TFB1M: variants seen among roughly 807,000 people sequenced by gnomAD.
The protein encoded by TFB1M is transcription factor B1, mitochondrial.
A neutral mutation model predicts 31.1 loss-of-function variants in TFB1M; 27 were observed. The ratio of observed to expected loss-of-function variants is 0.87; its 90% CI spans 0.64 to 1.20. TFB1M has a LOEUF of 1.20. TFB1M is among the 50% of genes most tolerant of loss of function. TFB1M has a pLI of 0.00. For missense variants in TFB1M, 394 were observed against 418.7 expected (o/e 0.94, Z 0.51); for synonymous variants, 166 against 151.8 (o/e 1.09, Z -0.69).
rs1784095271 is a variant in TFB1M at position 155,257,035 on chromosome 6, C to A, written c.*801G>T. ...TGCCACCATCGACCTAAATTCTGTT[C>A]TAGAGCGAGAATTCAGTGTCCAGAG... is the stretch of plus-strand genomic sequence containing the variant. On this transcript the variant is annotated 3_prime_UTR_variant, in exon 7 of 7. Transcript: ENST00000367166. 1 of 1,614,156 alleles carries A rather than the reference C, an allele frequency of 6.2e-7. No homozygotes were observed. The highest frequency in any genetic ancestry group is 8.5e-7 in the Non-Finnish European group (1 of 1,180,038).
downstream of TFB1M, chr6:155,251,882 C>G: frequency 4.6e-6 from 6 of 1,316,642 alleles, no homozygotes; most frequent in Non-Finnish European, 5.4e-6. Context: ...ACGTTCAGCT[C>G]TAGTTTAACC....
At position 155,314,399 on chromosome 6, in the gene TFB1M, G is replaced by A. The variant is rs1285711454; in HGVS notation, c.30C>T (p.Cys10=). Residue 10 remains cysteine (C), a synonymous_variant, in exon 1 of 7, where the codon TGC becomes TGT. Coordinates refer to ENST00000367166, the MANE Select transcript of TFB1M (RefSeq NM_016020.4). The stretch of plus-strand genomic sequence containing the variant: ...GAATCGTGGGCAACGGAGGGAGACG[G>A]CAAGTGCTGAGTTTTCCGGAGGCAG... MAASGKLST[C]RLPPLPTIRE... is the part of the protein sequence containing the mutation. 3 of 1,614,126 alleles carry A rather than the reference G, an allele frequency of 1.9e-6. No individual in the cohort carries two copies. The African/African-American group carries it at 4.0e-5, about 22-fold the overall frequency.
chr6:155,250,833 G>A, the TFB1M span: 5 of 1,393,176 alleles, frequency 3.6e-6, no homozygotes, highest in South Asian at 1.2e-5. Flanking sequence ...AGCAATGACT[G>A]TGTGTACATC....
the TFB1M span, chr6:155,247,858 C>T: frequency 2.8e-6 from 3 of 1,063,940 alleles, no homozygotes; most frequent in African/African-American, 3.2e-5. Context: ...GGTGCCTGAC[C>T]CACTGATGTG....
At chr6:155,276,923 T>C (rs887235216) in intron 5 of TFB1M, among the ~76,000 whole-genome samples, 1 of 152,248 alleles carries the variant, frequency 6.6e-6, no homozygotes, top group Non-Finnish European at 1.5e-5. Flanking sequence ...AGCCCATTTC[T>C]TTTTCATTTT....
chr6:155,279,411 A>C (rs1272023571), intron 5 of TFB1M, among the ~76,000 whole-genome samples: 1 of 152,120 alleles, frequency 6.6e-6, no homozygotes, highest in Non-Finnish European at 1.5e-5. Flanking sequence ...AGCAGTTGTA[A>C]AGGTCTGGGG....
chr6:155,261,037 G>A (rs553434800), intron 5 of TFB1M: 3 of 155,762 alleles, frequency 1.9e-5, no homozygotes, highest in Non-Finnish European at 4.3e-5. Flanking sequence ...GCCAGCTGTG[G>A]AGATTCTTTA....
the TFB1M span, among the ~76,000 whole-genome samples, chr6:155,247,351 T>TG: frequency 6.6e-6 from 1 of 152,168 alleles, no homozygotes; most frequent in Non-Finnish European, 1.5e-5. Flanking sequence ...TTTTTTGAGA[T>TG]GGAGTCTCAC....
intron 4 of TFB1M, among the ~76,000 whole-genome samples, chr6:155,285,597 C>A (rs1162668497): frequency 1.3e-5 from 2 of 152,132 alleles, no homozygotes; most frequent in African/African-American, 4.8e-5. Context: ...AACAAGCAAT[C>A]AATAAATACT....
At chr6:155,286,619 G>GTA (rs1248914446) in intron 4 of TFB1M, among the ~76,000 whole-genome samples, 1 of 144,858 alleles carries the variant, frequency 6.9e-6, no homozygotes, top group Non-Finnish European at 1.5e-5. Context: ...ATATATATGT[G>GTA]TATATATGTG....
At chr6:155,312,932 G>A (rs954681196) in intron 1 of TFB1M, among the ~76,000 whole-genome samples, 3 of 152,024 alleles carry the variant, frequency 2.0e-5, no homozygotes, top group Non-Finnish European at 2.9e-5. Context: ...TTTTAAAGTA[G>A]TAGGCCCTTC....
intron 5 of TFB1M, among the ~76,000 whole-genome samples, chr6:155,268,751 C>T (rs1161126622): frequency 6.6e-6 from 1 of 151,052 alleles, no homozygotes; most frequent in Non-Finnish European, 1.5e-5. Context: ...TTGAAGGCAG[C>T]ATGCTTGCTA....
intron 5 of TFB1M, chr6:155,276,193 T>TATA (rs1785201761): frequency 6.2e-7 from 1 of 1,613,974 alleles, no homozygotes; most frequent in Non-Finnish European, 8.5e-7. Context: ...GCAACAAACA[T>TATA]GAACCTGGAG....
chr6:155,290,740 T>C (rs1230267766), intron 4 of TFB1M, among the ~76,000 whole-genome samples: 2 of 152,186 alleles, frequency 1.3e-5, no homozygotes, highest in Non-Finnish European at 2.9e-5. Flanking sequence ...ACATAGTATT[T>C]TGTATCTCTA....
intron 2 of TFB1M, chr6:155,299,426 A>G (rs1271372929): frequency 6.6e-6 from 1 of 152,228 alleles, no homozygotes; most frequent in Non-Finnish European, 1.5e-5. Flanking sequence ...TATTGTGTTA[A>G]GTGCCCCATG....
At chr6:155,313,953 G>A (rs1201362702) in intron 1 of TFB1M, among the ~76,000 whole-genome samples, 4 of 152,230 alleles carry the variant, frequency 2.6e-5, no homozygotes, top group African/African-American at 7.2e-5. Flanking sequence ...AGCATGTGCT[G>A]TACTATTTCA....
chr6:155,232,098 C>CA, the TFB1M span, among the ~76,000 whole-genome samples: 10,827 of 136,490 alleles, frequency 0.079, 1,298 homozygotes, highest in African/African-American at 0.26. Flanking sequence ...AAAACAAAAA[C>CA]AAAAAAAAAC....
chr6:155,286,651 A>G (rs1055416975), intron 4 of TFB1M, among the ~76,000 whole-genome samples: 130 of 75,440 alleles, frequency 1.7e-3, no homozygotes, highest in East Asian at 0.014. Context: ...GTGTGTGTGT[A>G]TATATATATG....
chr6:155,307,234 T>C (rs1213701949), intron 2 of TFB1M, among the ~76,000 whole-genome samples: 1 of 152,120 alleles, frequency 6.6e-6, no homozygotes, highest in Non-Finnish European at 1.5e-5. Context: ...GAGCATCAAC[T>C]GTATCTCAAC....
Sources: gnomAD v4.1 joint callset for allele counts (sites outside exome capture counted in the v4.1 genomes callset) on GRCh38, gnomAD v4.1.1 for gene constraint, MANE v1.5 for transcripts, NCBI Gene and HGNC (gene_info 2026-07-23, HGNC 2026-07-21) for gene names.